Variants in ATG7 observed in about 807,000 individuals in gnomAD.
ATG7 encodes the protein ubiquitin-like modifier-activating enzyme ATG7.
Under a neutral mutation model 82.4 loss-of-function variants are expected in ATG7, and 70 were observed. That is an observed-to-expected ratio of 0.85 (90% CI 0.70 to 1.04). The LOEUF (loss-of-function observed/expected upper bound fraction) is 1.04, where lower values mean the gene tolerates loss of function less well. Among genes scored for constraint, ATG7 ranks in the 50% least tolerant of loss-of-function variants. ATG7 has a pLI of 0.00. For synonymous variants in ATG7, 287 were observed against 313.0 expected (o/e 0.92, Z 0.88); for missense variants, 792 against 864.3 (o/e 0.92, Z 1.05).
chr3:11,429,670 G>T (rs2082688690), intron 20 of ATG7, among the ~76,000 whole-genome samples: 1 of 151,968 alleles, frequency 6.6e-6, no homozygotes, highest in Admixed American at 6.6e-5. Flanking sequence ...ACTCTGGGCT[G>T]GGCATGGTGG....
At chr3:11,310,457 T>C (rs1948468062) in intron 7 of ATG7, among the ~76,000 whole-genome samples, 1 of 152,064 alleles carries the variant, frequency 6.6e-6, no homozygotes, top group East Asian at 1.9e-4. Context: ...CAAAGGAGGG[T>C]ATGATAGCAA....
intron 19 of ATG7, among the ~76,000 whole-genome samples, chr3:11,403,458 A>T (rs978131632): frequency 6.6e-6 from 1 of 152,110 alleles, no homozygotes; most frequent in Non-Finnish European, 1.5e-5. Flanking sequence ...ATCTGGAGGG[A>T]TAGCTTGTCT....
intron 20 of ATG7, among the ~76,000 whole-genome samples, chr3:11,492,352 C>T (rs959083484): frequency 7.9e-5 from 12 of 152,188 alleles, no homozygotes; most frequent in Admixed American, 3.9e-4. Context: ...CACTGTCCTG[C>T]GCCCACTGTC....
rs1320465848 is a variant in ATG7 at position 11,555,773 on chromosome 3, G to C, written c.*930G>C. ...CAACCCAGGAGAGGCCATGGCCTAG[G>C]TACCTGTGACCACCCTGCCCCCGTG... On this transcript the variant is annotated 3_prime_UTR_variant, in exon 21 of 21. Transcript: ENST00000693202. 1 of 152,298 alleles carries C rather than the reference G, an allele frequency of 6.6e-6. No individual in the cohort carries two copies. The highest frequency in any genetic ancestry group is 6.5e-5 in the Admixed American group (1 of 15,280). 9.4% of individuals were successfully genotyped at this position (152,298 alleles called of 1,614,324 possible). A position where few individuals can be genotyped will look rare whatever the true frequency, so the allele number is the denominator to read the frequency against.
At chr3:11,464,709 A>G (rs2086660662) in intron 20 of ATG7, among the ~76,000 whole-genome samples, 1 of 152,238 alleles carries the variant, frequency 6.6e-6, no homozygotes, top group Admixed American at 6.5e-5. Flanking sequence ...AGCTAGAAGC[A>G]GTGGCTTTTT....
At chr3:11,516,830 C>T (rs1353365398) in intron 20 of ATG7, among the ~76,000 whole-genome samples, 4 of 152,188 alleles carry the variant, frequency 2.6e-5, no homozygotes, top group African/African-American at 4.8e-5. Context: ...CACCTGTAAT[C>T]GCAACACTTT....
intron 20 of ATG7, among the ~76,000 whole-genome samples, chr3:11,528,773 C>T (rs1330135288): frequency 6.8e-6 from 1 of 148,024 alleles, no homozygotes; most frequent in Non-Finnish European, 1.5e-5. Flanking sequence ...TTGCAGTGAG[C>T]CGAGATGGTG....
At position 11,469,988 on chromosome 3, in the gene ATG7, C is replaced by CAAAAAAAAAAAAAAAA. The variant is rs10628540; in HGVS notation, c.2079+43068_2079+43083dup. Among the ~76,000 whole-genome samples the CAAAAAAAAAAAAAAAA allele has an allele frequency of 2.3e-4, 20 of 87,538 alleles. 2 individuals carry two copies. Among genetic ancestry groups the CAAAAAAAAAAAAAAAA allele is most frequent in the African/African-American group, 9.6e-4 (20 of 20,920 alleles). 57.4% of individuals were successfully genotyped at this position (87,538 alleles called of 152,430 possible). On this transcript the variant is annotated intron_variant, in intron 20 of 20. Coordinates refer to ENST00000693202, the MANE Select transcript of ATG7 (RefSeq NM_001349232.2). The stretch of plus-strand genomic sequence containing the variant: ...TGGGTGACGGAACGAGACTCCATCT[C>CAAAAAAAAAAAAAAAA]AAAAAAAAAAAAAAAAAAAAAGAGA...
At chr3:11,281,791 AG>A (rs1291156701) in intron 2 of ATG7, among the ~76,000 whole-genome samples, 4 of 151,484 alleles carry the variant, frequency 2.6e-5, no homozygotes, top group African/African-American at 9.7e-5. Flanking sequence ...AAAAAAAAAA[AG>A]AGAAAAGAAA....
At chr3:11,418,783 T>G (rs1047519400) in intron 19 of ATG7, among the ~76,000 whole-genome samples, 11 of 152,194 alleles carry the variant, frequency 7.2e-5, no homozygotes, top group African/African-American at 2.4e-4. Flanking sequence ...GAAAAGAGGT[T>G]TAATTGACTC....
intron 20 of ATG7, among the ~76,000 whole-genome samples, chr3:11,511,260 G>A (rs985946806): frequency 3.3e-5 from 5 of 152,228 alleles, no homozygotes; most frequent in South Asian, 2.1e-4. Flanking sequence ...TGGTAGAGCC[G>A]AGTGGCCTGT....
chr3:11,544,233 T>C (rs2071081456), intron 20 of ATG7, among the ~76,000 whole-genome samples: 1 of 152,232 alleles, frequency 6.6e-6, no homozygotes, highest in Non-Finnish European at 1.5e-5. Flanking sequence ...GGCAGGAATC[T>C]GGGAGCCAGG....
At chr3:11,494,420 C>T (rs1272000500) in intron 20 of ATG7, among the ~76,000 whole-genome samples, 1 of 152,094 alleles carries the variant, frequency 6.6e-6, no homozygotes, top group Non-Finnish European at 1.5e-5. Context: ...CAGATTAAGA[C>T]AAATGTAACT....
chr3:11,506,554 CAAAAAAAAAA>C (rs754696496), intron 20 of ATG7, among the ~76,000 whole-genome samples: 2 of 24,920 alleles, frequency 8.0e-5, no homozygotes, highest in South Asian at 1.9e-3. Flanking sequence ...CCCATCTCTA[CAAAAAAAAAA>C]AAAAAAAAAA....
rs545428206 is a variant in ATG7 at position 11,417,649 on chromosome 3, T to C, written c.1957-9155T>C. The stretch of plus-strand genomic sequence containing the variant: ...CTGCCTTTTAATTGGTACATTCAGA[T>C]CACTGATTATTGATATAATTGGATT... On this transcript the variant is annotated intron_variant, in intron 19 of 20. Coordinates refer to ENST00000693202, the MANE Select transcript of ATG7 (RefSeq NM_001349232.2). 1.2e-4 allele frequency among the ~76,000 whole-genome samples: 18 copies of C among 152,068 alleles called. No homozygotes were observed. In the South Asian group the frequency reaches 3.5e-3, roughly 30 times the overall value.
At chr3:11,289,797 C>T (rs1944667834) in intron 3 of ATG7, among the ~76,000 whole-genome samples, 1 of 152,110 alleles carries the variant, frequency 6.6e-6, no homozygotes, top group South Asian at 2.1e-4. Flanking sequence ...TGGGCTCAAG[C>T]GATCCTCCTG....
intron 11 of ATG7, among the ~76,000 whole-genome samples, chr3:11,337,305 T>C (rs1186323066): frequency 2.0e-5 from 3 of 151,974 alleles, no homozygotes; most frequent in Non-Finnish European, 4.4e-5. Flanking sequence ...ATACAAAAAT[T>C]AGCTGGGCAT....
chr3:11,330,203 A>AT (rs1951450120), intron 9 of ATG7, among the ~76,000 whole-genome samples: 3 of 152,014 alleles, frequency 2.0e-5, no homozygotes, highest in East Asian at 1.9e-4. Context: ...TAAAAATACT[A>AT]TTTTTTCTTT....
At chr3:11,471,872 G>A (rs955809532) in intron 20 of ATG7, among the ~76,000 whole-genome samples, 1 of 149,970 alleles carries the variant, frequency 6.7e-6, no homozygotes, top group Non-Finnish European at 1.5e-5. Flanking sequence ...TGAGTAGCTG[G>A]GATTATAGGC....
Sources: gnomAD v4.1 joint callset for allele counts (sites outside exome capture counted in the v4.1 genomes callset) on GRCh38, gnomAD v4.1.1 for gene constraint, MANE v1.5 for transcripts, NCBI Gene and HGNC (gene_info 2026-07-23, HGNC 2026-07-21) for gene names.